FAM120AOS: variants seen among roughly 807,000 people sequenced by gnomAD.
FAM120AOS encodes uncharacterized protein FAM120AOS.
A neutral mutation model predicts 20.2 loss-of-function variants in FAM120AOS; 15 were observed. The ratio of observed to expected loss-of-function variants is 0.74; its 90% CI spans 0.50 to 1.15. The LOEUF (loss-of-function observed/expected upper bound fraction) is 1.15. Ranked by LOEUF, FAM120AOS falls within the 50% of genes most tolerant of loss-of-function variation. The pLI, the probability that FAM120AOS is intolerant of heterozygous loss-of-function variation, is 0.00. For synonymous variants in FAM120AOS, 154 were observed against 154.0 expected (o/e 1.00, Z 0.00); for missense variants, 327 against 351.9 (o/e 0.93, Z 0.57).
intron 1 of FAM120AOS, chr9:93,451,785 G>A: frequency 1.0e-6 from 1 of 978,086 alleles, no homozygotes; most frequent in Non-Finnish European, 1.2e-6. Context: ...CCATGAGCGC[G>A]CCCCCGACCC....
chr9:93,451,603 C>T (rs1294578338), intron 1 of FAM120AOS: 2 of 982,804 alleles, frequency 2.0e-6, no homozygotes, highest in South Asian at 9.1e-5. Flanking sequence ...GCCGGCGGGC[C>T]TGGGCGGCGT....
Position 93,447,683 on chromosome 9 carries a change from A to T in FAM120AOS, c.699T>A (p.Cys233Ter). 1 of 1,613,086 alleles carries T rather than the reference A, an allele frequency of 6.2e-7. No individual in the cohort carries two copies. Among genetic ancestry groups the T allele is most frequent in the Non-Finnish European group, 8.5e-7 (1 of 1,179,386 alleles). ...ILPVKKISRS[C>*]SVNNKVSKKT... ...TCTTTGAGACTTTGTTATTGACAGAACAGCTTCTGGAAATCTGAAAAGAAA... is the reference window on the plus strand; with the variant it reads ...TCTTTGAGACTTTGTTATTGACAGATCAGCTTCTGGAAATCTGAAAAGAAA... Residue 233 changes from cysteine to a stop codon, truncating the protein, a stop_gained, in exon 3 of 3, where the codon TGT becomes TGA. Coordinates refer to ENST00000375412, the MANE Select transcript of FAM120AOS (RefSeq NM_198841.4). LOFTEE classifies it low-confidence loss of function (END_TRUNC).
chr9:93,451,658 G>A (rs1857209633), intron 1 of FAM120AOS: 20 of 961,886 alleles, frequency 2.1e-5, no homozygotes, highest in Non-Finnish European at 2.2e-5. Flanking sequence ...CGCCCGCCCC[G>A]CCCCGGCCCT....
rs1425057686 is a variant in FAM120AOS at position 93,445,407 on chromosome 9, T to C, written c.*2204A>G. On this transcript the variant is annotated 3_prime_UTR_variant, in exon 3 of 3. Transcript: ENST00000375412. ...TGCCAGGCTGGGGACTCTTAGTACCTAAGTTTGGTCCATTCTACTCTTTTT... is the reference window on the plus strand; with the variant it reads ...TGCCAGGCTGGGGACTCTTAGTACCCAAGTTTGGTCCATTCTACTCTTTTT... Among the ~76,000 whole-genome samples the C allele has an allele frequency of 6.6e-6, 1 of 152,088 alleles. No individual in the cohort carries two copies. The highest frequency in any genetic ancestry group is 1.5e-5 in the Non-Finnish European group (1 of 68,004).
Position 93,444,930 on chromosome 9 carries a change from A to T in FAM120AOS, c.*2681T>A, listed in dbSNP as rs115650155. Among the ~76,000 whole-genome samples the T allele has an allele frequency of 6.6e-6, 1 of 152,162 alleles. No individual in the cohort carries two copies. The highest frequency in any genetic ancestry group is 1.5e-5 in the Non-Finnish European group (1 of 68,034). ...CACCCGGCCAGTTCTGCATTTCTTA[A>T]GAGAATCTTTGTGAGAAGATGTAGA... On this transcript the variant is annotated 3_prime_UTR_variant, in exon 3 of 3. Coordinates refer to ENST00000375412, the MANE Select transcript of FAM120AOS (RefSeq NM_198841.4).
In FAM120AOS at chr9:93,446,811, T is replaced by C. The variant is rs1856859944; in HGVS notation, c.*800A>G. 1.3e-5 allele frequency: 2 copies of C among 152,204 alleles called. No homozygotes were observed. Among genetic ancestry groups the C allele is most frequent in the Admixed American group, 1.3e-4 (2 of 15,282 alleles). 9.4% of individuals were successfully genotyped at this position (152,204 alleles called of 1,614,324 possible). A position where few individuals can be genotyped will look rare whatever the true frequency, so the allele number is the denominator to read the frequency against. Reference sequence around the variant, plus strand: ...GCCCAAAGCTATTTGGACACAAGTTTGGTGAACACGGTAAGAAAAAAACAA... The same window carrying C: ...GCCCAAAGCTATTTGGACACAAGTTCGGTGAACACGGTAAGAAAAAAACAA... On this transcript the variant is annotated 3_prime_UTR_variant, in exon 3 of 3. Coordinates refer to ENST00000375412, the MANE Select transcript of FAM120AOS (RefSeq NM_198841.4).
Position 93,446,270 on chromosome 9 carries a change from G to A in FAM120AOS, c.*1341C>T, listed in dbSNP as rs1856843030. On this transcript the variant is annotated 3_prime_UTR_variant, in exon 3 of 3. Coordinates refer to ENST00000375412, the MANE Select transcript of FAM120AOS (RefSeq NM_198841.4). ...ATTGTGTGCTCCCACCTATATCTGA[G>A]GTCCTAGACTCCTCAGAGGAAGTCA... Among the ~76,000 whole-genome samples the A allele has an allele frequency of 6.6e-6, 1 of 152,150 alleles. No individual in the cohort carries two copies. Among genetic ancestry groups the A allele is most frequent in the Non-Finnish European group, 1.5e-5 (1 of 68,040 alleles).
rs1857356725 is a variant in FAM120AOS at position 93,453,113 on chromosome 9, C to T, written c.-404G>A. 2.0e-6 allele frequency: 2 copies of T among 1,023,446 alleles called. No individual in the cohort carries two copies. Among genetic ancestry groups the T allele is most frequent in the Non-Finnish European group, 2.3e-6 (2 of 854,922 alleles). 63.4% of individuals were successfully genotyped at this position (1,023,446 alleles called of 1,614,324 possible). ...GTCCGTGTGAAAGAGGTCTTTAAGG[C>T]AGTTCGGTTTTGTAGATCCCATGCG... is the stretch of plus-strand genomic sequence containing the variant. On this transcript the variant is annotated 5_prime_UTR_variant, in exon 1 of 3. Coordinates refer to ENST00000375412, the MANE Select transcript of FAM120AOS (RefSeq NM_198841.4).
chr9:93,453,061 G>A lies in FAM120AOS; in HGVS notation c.-352C>T, dbSNP rs1857351839. On this transcript the variant is annotated 5_prime_UTR_variant, in exon 1 of 3. Transcript: ENST00000375412. ...AAAGACCCGTGCACTTTGACAGGAT[G>A]GGATTTTGTCAGTTCTGTGACTTCA... 1 of 1,100,432 alleles carries A rather than the reference G, an allele frequency of 9.1e-7. No homozygotes were observed. Among genetic ancestry groups the A allele is most frequent in the Non-Finnish European group, 1.1e-6 (1 of 902,270 alleles). The allele number at this position is 1,100,432 out of a possible 1,614,324, so 68.2% of individuals were successfully genotyped here. A position where few individuals can be genotyped will look rare whatever the true frequency, so the allele number is the denominator to read the frequency against.
chr9:93,446,914 A>T lies in FAM120AOS; in HGVS notation c.*697T>A, dbSNP rs1355872842. The T allele has an allele frequency of 5.3e-5, 8 of 152,248 alleles. No individual in the cohort carries two copies. The highest frequency in any genetic ancestry group is 1.3e-4 in the Admixed American group (2 of 15,290). The allele number at this position is 152,248 out of a possible 1,614,324, so 9.4% of individuals were successfully genotyped here. A position where few individuals can be genotyped will look rare whatever the true frequency, so the allele number is the denominator to read the frequency against. On this transcript the variant is annotated 3_prime_UTR_variant, in exon 3 of 3. Coordinates refer to ENST00000375412, the MANE Select transcript of FAM120AOS (RefSeq NM_198841.4). ...AGATAAAAACTCTAAGAACCTATGA[A>T]GCGCCAGGGCAGTGCTGGTTGCTTT...
Position 93,453,445 on chromosome 9 carries a change from G to A in FAM120AOS, c.-736C>T. 1.0e-6 allele frequency: 1 copy of A among 985,430 alleles called. No individual in the cohort carries two copies. Among genetic ancestry groups the A allele is most frequent in the Non-Finnish European group, 1.2e-6 (1 of 829,936 alleles). 61.0% of individuals were successfully genotyped at this position (985,430 alleles called of 1,614,324 possible). A position where few individuals can be genotyped will look rare whatever the true frequency, so the allele number is the denominator to read the frequency against. ...GAAAACAAATTTTGGGGGCCTTTTT[G>A]TTGTCTTAGCTCTTGACACTCGGTC... On this transcript the variant is annotated 5_prime_UTR_variant, in exon 1 of 3. An upstream open reading frame in the 5' UTR gains an earlier in-frame stop. Coordinates refer to ENST00000375412, the MANE Select transcript of FAM120AOS (RefSeq NM_198841.4).
At position 93,453,208 on chromosome 9, in the gene FAM120AOS, A is replaced by T; in HGVS notation, c.-499T>A. 2 of 1,005,496 alleles carry T rather than the reference A, an allele frequency of 2.0e-6. No homozygotes were observed. The highest frequency in any genetic ancestry group is 2.4e-6 in the Non-Finnish European group (2 of 843,796). The allele number at this position is 1,005,496 out of a possible 1,614,324, so 62.3% of individuals were successfully genotyped here. On this transcript the variant is annotated 5_prime_UTR_variant, in exon 1 of 3. Transcript: ENST00000375412. The stretch of plus-strand genomic sequence containing the variant: ...CTCGCAGGATTTATTTTTCGGGTGC[A>T]CAGTAAGTATTCAGTGACCTTCAGC...
rs1175259243 is a variant in FAM120AOS at position 93,447,624 on chromosome 9, A to G, written c.758T>C (p.Leu253Ser). Residue 253 changes from leucine (L) to serine (S), a missense_variant, in exon 3 of 3, where the codon TTG (leucine) becomes TCG (serine). This residue lies in a region of FAM120AOS where 86 missense variants were observed against 82.9 expected (regional missense o/e 1.04). Transcript: ENST00000375412. ...TTKPPTLRSF[L>S]SPI ...GACCCTAGTTTTTCAAATTGGACTC[A>G]AGAATGATCTTAGTGTTGGTGGTTT... is the stretch of plus-strand genomic sequence containing the variant. 3 of 1,613,944 alleles carry G rather than the reference A, an allele frequency of 1.9e-6. No individual in the cohort carries two copies. The highest frequency in any genetic ancestry group is 1.6e-4 in the Middle Eastern group (1 of 6,084).
At chr9:93,448,070 T>A (rs942055042) in intron 2 of FAM120AOS, among the ~76,000 whole-genome samples, 2 of 152,242 alleles carry the variant, frequency 1.3e-5, no homozygotes, top group African/African-American at 4.8e-5. Context: ...TTAGCTCCAG[T>A]CTGCTGGTCT....
In FAM120AOS at chr9:93,452,150, G is replaced by A. The variant is rs1362125616; in HGVS notation, c.560C>T (p.Ala187Val). 1 of 1,611,910 alleles carries A rather than the reference G, an allele frequency of 6.2e-7. No homozygotes were observed. Among genetic ancestry groups the A allele is most frequent in the Non-Finnish European group, 8.5e-7 (1 of 1,179,782 alleles). The stretch of plus-strand genomic sequence containing the variant: ...GTGGAACCACATGCTTGGCTACCTG[G>A]CGGCGCTGGCCAAGGCCTGCTTCGG... ...LPPKQALASA[A>V]RNLCRGAGCN... Residue 187 changes from alanine to valine, a missense_variant, in exon 1 of 3, where the codon GCC becomes GTC. Physicochemically the swap from Ala to Val is moderately conservative, Grantham distance 64. This residue lies in a region of FAM120AOS where 86 missense variants were observed against 82.9 expected (regional missense o/e 1.04). Transcript: ENST00000375412. The surrounding 1 kb of genome is among the most constrained non-coding windows in gnomAD (Gnocchi z 7.0).
At chr9:93,450,816 A>C in intron 1 of FAM120AOS, 1 of 922,630 alleles carries the variant, frequency 1.1e-6, no homozygotes, top group Non-Finnish European at 1.7e-6. Flanking sequence ...TCCTTCCAGA[A>C]GATGCTACTA....
chr9:93,450,490 G>C lies in FAM120AOS; in HGVS notation c.673C>G (p.Pro225Ala), dbSNP rs868647846. ...HGLAKEAPIL[P>A]VKKISRSCSV... ...AAAATCCAACTTGCCTTTTTCACCG[G>C]GAGTATGGGGGCTTCTTTGGCCAAA... The change falls in exon 2 of 3, where the codon CCG becomes GCG. Residue 225 changes from proline to alanine, a missense_variant. Around this residue, in one of 3 missense-constraint regions of FAM120AOS, gnomAD observed 86 missense variants for 82.9 expected, o/e 1.04. Coordinates refer to ENST00000375412, the MANE Select transcript of FAM120AOS (RefSeq NM_198841.4). 2 of 1,571,490 alleles carry C rather than the reference G, an allele frequency of 1.3e-6. No homozygotes were observed. Among genetic ancestry groups the C allele is most frequent in the Non-Finnish European group, 1.7e-6 (2 of 1,162,026 alleles).
intron 2 of FAM120AOS, among the ~76,000 whole-genome samples, chr9:93,449,415 C>T (rs1449848765): frequency 1.3e-5 from 2 of 151,640 alleles, no homozygotes; most frequent in Non-Finnish European, 2.9e-5. Context: ...GGGGGCCTGA[C>T]TCCAGAACCT....
chr9:93,450,802 G>T, intron 1 of FAM120AOS: 1 of 970,860 alleles, frequency 1.0e-6, no homozygotes, highest in Non-Finnish European at 1.6e-6. Flanking sequence ...TTACGTAAAC[G>T]ACCTCCTTCC....
Sources: allele counts gnomAD v4.1 joint callset (sites outside exome capture counted in the v4.1 genomes callset), GRCh38; gene constraint gnomAD v4.1.1; regional missense constraint gnomAD v4.1.1; non-coding constraint Gnocchi (gnomAD v3.1); transcripts MANE v1.5; gene names NCBI Gene and HGNC (gene_info 2026-07-23, HGNC 2026-07-21).